SORCS3: variants seen among roughly 807,000 people sequenced by gnomAD.
The protein encoded by SORCS3 is VPS10 domain-containing receptor SorCS3.
A neutral mutation model predicts 146.3 loss-of-function variants in SORCS3; 57 were observed. The observed-to-expected ratio is 0.39, with a 90% CI of 0.31 to 0.49. The LOEUF (loss-of-function observed/expected upper bound fraction) is 0.49. SORCS3 is among the 20% of genes least tolerant of loss of function. The probability of loss-of-function intolerance (pLI) is 0.92; values close to 1 mark genes in which losing one functional copy is unlikely to be tolerated. For missense variants in SORCS3, 1,341 were observed against 1,575.5 expected, an observed-to-expected ratio of 0.85 and a Z score of 2.52; for synonymous variants, 653 against 618.5, an observed-to-expected ratio of 1.06 and a Z score of -0.83.
In SORCS3 at chr10:105,147,600, C is replaced by T; in HGVS notation, c.1303-17C>T. 6.3e-7 allele frequency: 1 copy of T among 1,595,226 alleles called. No individual in the cohort carries two copies. Among genetic ancestry groups the T allele is most frequent in the Non-Finnish European group, 8.6e-7 (1 of 1,168,936 alleles). ...TATGGAGATCTGCTGCCTTACAAGC[C>T]TTCCATCTTCTTTCAGGACATGCAC... On this transcript the variant is annotated splice_polypyrimidine_tract_variant and intron_variant, in intron 8 of 26. Coordinates refer to ENST00000369701, the MANE Select transcript of SORCS3 (RefSeq NM_014978.3).
chr10:105,041,356 G>A (rs2055336693), intron 4 of SORCS3, among the ~76,000 whole-genome samples: 1 of 146,212 alleles, frequency 6.8e-6, no homozygotes, highest in Non-Finnish European at 1.5e-5. Context: ...AACACAGCTA[G>A]TAGTCAGCTG....
rs10625699 is a variant in SORCS3, at chr10:105,016,155, A to ATT, written c.955-26886_955-26885dup. Among the ~76,000 whole-genome samples the ATT allele has an allele frequency of 5.1e-3, 513 of 101,292 alleles. 8 individuals carry two copies. Among genetic ancestry groups the ATT allele is most frequent in the Middle Eastern group, 0.013 (2 of 156 alleles). The allele number at this position is 101,292 out of a possible 152,430, so 66.5% of individuals were successfully genotyped here. A position where few individuals can be genotyped will look rare whatever the true frequency, so the allele number is the denominator to read the frequency against. On this transcript the variant is annotated intron_variant, in intron 4 of 26. Transcript: ENST00000369701. ...TATAAATATATATATATATATATAT[A>ATT]TTTTTTTTTTTTTTTGAGATGGAGT... is the stretch of plus-strand genomic sequence containing the variant.
intron 2 of SORCS3, among the ~76,000 whole-genome samples, chr10:104,887,959 C>CGG (rs1212866137): frequency 1.7e-3 from 11 of 6,574 alleles, no homozygotes; most frequent in African/African-American, 2.8e-3. Context: ...ATGGTGGGGG[C>CGG]GGGGGGGCGG....
intron 4 of SORCS3, among the ~76,000 whole-genome samples, chr10:105,004,780 G>T (rs1429574584): frequency 6.8e-6 from 1 of 147,224 alleles, no homozygotes; most frequent in Non-Finnish European, 1.5e-5. Flanking sequence ...GGAGAGCTGT[G>T]TGTGAATGTG....
intron 1 of SORCS3, among the ~76,000 whole-genome samples, chr10:104,752,325 C>T (rs1244760858): frequency 3.3e-5 from 5 of 151,910 alleles, no homozygotes; most frequent in South Asian, 2.1e-4. Flanking sequence ...CATGAGCCAC[C>T]GCACCTGGCT....
intron 4 of SORCS3, among the ~76,000 whole-genome samples, chr10:105,010,552 A>G (rs946967662): frequency 6.6e-6 from 1 of 152,198 alleles, no homozygotes; most frequent in African/African-American, 2.4e-5. Context: ...TGCTCTAGCT[A>G]ATAAGTGATT....
chr10:104,987,246 T>A (rs887418152), intron 4 of SORCS3, among the ~76,000 whole-genome samples: 1 of 152,072 alleles, frequency 6.6e-6, no homozygotes, highest in African/African-American at 2.4e-5. Context: ...GGAGAAAAAT[T>A]ATTTTAAAGA....
rs533516141 is a variant in SORCS3, at chr10:104,842,811, A to T, written c.647A>T (p.Lys216Met). The T allele has an allele frequency of 6.2e-7, 1 of 1,613,882 alleles. No individual in the cohort carries two copies. The highest frequency in any genetic ancestry group is 2.2e-5 in the East Asian group (1 of 44,862). The change falls in exon 2 of 27, where the codon AAG becomes ATG. Residue 216 changes from lysine (K) to methionine (M), a missense_variant. Coordinates refer to ENST00000369701, the MANE Select transcript of SORCS3 (RefSeq NM_014978.3). ...TTGCAGGTCATACTTATCCTGACGA[A>T]GCTGTATGACTTCAACCTGGGCAGC... ...HNSSVILILT[K>M]LYDFNLGSVT...
chr10:105,152,597 A>T (rs2056175324), intron 9 of SORCS3, among the ~76,000 whole-genome samples: 1 of 152,184 alleles, frequency 6.6e-6, no homozygotes, highest in Admixed American at 6.5e-5. Context: ...GTTATTCTCA[A>T]CAAACTTAAA....
intron 1 of SORCS3, among the ~76,000 whole-genome samples, chr10:104,733,352 ATT>A (rs112864049): frequency 6.6e-6 from 1 of 151,220 alleles, no homozygotes; most frequent in African/African-American, 2.4e-5. Context: ...ATCTTTGATA[ATT>A]TTTTTTTATT....
intron 4 of SORCS3, among the ~76,000 whole-genome samples, chr10:105,012,598 C>T (rs2055141945): frequency 6.6e-6 from 1 of 152,144 alleles, no homozygotes; most frequent in African/African-American, 2.4e-5. Flanking sequence ...TCACACTCCA[C>T]CCTCTGGTTT....
rs546902856 is a variant in SORCS3 at position 105,250,003 on chromosome 10, A to G, written c.3105+2672A>G. Among the ~76,000 whole-genome samples the G allele has an allele frequency of 2.0e-5, 3 of 152,316 alleles. No individual in the cohort carries two copies. The South Asian group carries it at 6.2e-4, about 32-fold the overall frequency. ...CCATAAACTGGGTGGCTTATAAACA[A>G]CAGAAGTGTATTTCTCATAATTCTG... On this transcript the variant is annotated intron_variant, in intron 22 of 26. Transcript: ENST00000369701.
chr10:104,942,404 T>C (rs1480761390), intron 3 of SORCS3, among the ~76,000 whole-genome samples: 1 of 152,042 alleles, frequency 6.6e-6, no homozygotes, highest in African/African-American at 2.4e-5. Flanking sequence ...TTACAGAAAT[T>C]CTGTTAGACA....
chr10:104,886,592 A>G (rs1405663408), intron 2 of SORCS3, among the ~76,000 whole-genome samples: 1 of 151,830 alleles, frequency 6.6e-6, no homozygotes, highest in Admixed American at 6.6e-5. Context: ...CTATCTATCT[A>G]TCTATCTATC....
chr10:104,740,881 C>T (rs1252492311), intron 1 of SORCS3, among the ~76,000 whole-genome samples: 1 of 151,992 alleles, frequency 6.6e-6, no homozygotes, highest in Non-Finnish European at 1.5e-5. Flanking sequence ...GTTAATCTTT[C>T]CATTAGCAAT....
intron 1 of SORCS3, among the ~76,000 whole-genome samples, chr10:104,745,693 A>T (rs1216377657): frequency 6.6e-6 from 1 of 152,168 alleles, no homozygotes; most frequent in East Asian, 1.9e-4. Flanking sequence ...TATTCATCTT[A>T]TATCACTGAA....
chr10:104,985,938 A>G (rs537761695), intron 4 of SORCS3, among the ~76,000 whole-genome samples: 1 of 152,272 alleles, frequency 6.6e-6, no homozygotes, highest in South Asian at 2.1e-4. Context: ...ATTTAGCATA[A>G]TTTTTAAGGG....
intron 5 of SORCS3, among the ~76,000 whole-genome samples, chr10:105,046,076 G>T (rs2055369824): frequency 6.6e-6 from 1 of 152,080 alleles, no homozygotes; most frequent in African/African-American, 2.4e-5. Context: ...TAACATGCAT[G>T]AAAATGATTT....
intron 1 of SORCS3, among the ~76,000 whole-genome samples, chr10:104,808,113 G>A (rs1022387383): frequency 6.6e-6 from 1 of 152,164 alleles, no homozygotes; most frequent in African/African-American, 2.4e-5. Context: ...AATCTGGGTG[G>A]GGGGAGTGAG....
Sources: allele counts gnomAD v4.1 joint callset (sites outside exome capture counted in the v4.1 genomes callset), GRCh38; gene constraint gnomAD v4.1.1; transcripts MANE v1.5; gene names NCBI Gene and HGNC (gene_info 2026-07-23, HGNC 2026-07-21).